IL4I1: variants seen among roughly 807,000 people sequenced by gnomAD.
IL4I1 encodes the protein interleukin 4 induced 1.
In IL4I1, 24 loss-of-function variants were observed where a neutral mutation model predicts 29.7. That is an observed-to-expected ratio of 0.81 (90% CI 0.59 to 1.14). The LOEUF is 1.14. IL4I1 is among the 50% of genes most tolerant of loss of function. The pLI is 0.00. For missense variants in IL4I1, 686 were observed against 785.6 expected, an observed-to-expected ratio of 0.87 and a Z score of 1.52; for synonymous variants, 371 against 352.5, an observed-to-expected ratio of 1.05 and a Z score of -0.59.
exon 2 of IL4I1, chr19:49,927,802 G>C (rs1047358727): frequency 2.6e-5 from 4 of 152,282 alleles, no homozygotes; most frequent in Non-Finnish European, 5.9e-5. Flanking sequence ...ATGTGGATGG[G>C]ACAAGGTGGG....
At chr19:49,909,333 A>G (rs1241705265) in intron 2 of IL4I1, 1 of 1,613,778 alleles carries the variant, frequency 6.2e-7, no homozygotes, top group Non-Finnish European at 8.5e-7. Flanking sequence ...CCAGTGAATG[A>G]GAAGCCTCCA....
In IL4I1 at chr19:49,891,021, G is replaced by A; in HGVS notation, c.723C>T (p.Leu241=). 6.2e-7 allele frequency: 1 copy of A among 1,611,744 alleles called. No homozygotes were observed. Among genetic ancestry groups the A allele is most frequent in the Non-Finnish European group, 8.5e-7 (1 of 1,179,614 alleles). ...GGGCCCGGAGGGCCTCGGCGAAGCT[G>A]AGATAGAAGAAGCCATCCTCGGACA... is the stretch of plus-strand genomic sequence containing the variant. The part of the protein sequence containing the change: ...DVMSEDGFFY[L]SFAEALRAHS... Residue 241 remains leucine (L), a synonymous_variant, in exon 7 of 8, where the codon CTC becomes CTT. Transcript: ENST00000391826.
At chr19:49,913,293 AAG>A (rs1453662736) in intron 2 of IL4I1, 1 of 152,244 alleles carries the variant, frequency 6.6e-6, no homozygotes, top group Non-Finnish European at 1.5e-5. Context: ...GCACATTCCA[AAG>A]AGAGAAAATG....
chr19:49,924,921 GCA>G (rs1301074398), intron 2 of IL4I1, among the ~76,000 whole-genome samples: 1 of 152,124 alleles, frequency 6.6e-6, no homozygotes, highest in Non-Finnish European at 1.5e-5. Context: ...AGCATAAACC[GCA>G]CATAGCCAGC....
upstream of IL4I1, chr19:49,901,703 G>T (rs370597383): frequency 6.5e-7 from 1 of 1,534,392 alleles, no homozygotes. Flanking sequence ...CAGGACAGAA[G>T]TCATCGTTGG....
chr19:49,922,144 C>T (rs1173344754), intron 2 of IL4I1, among the ~76,000 whole-genome samples: 1 of 152,224 alleles, frequency 6.6e-6, no homozygotes, highest in African/African-American at 2.4e-5. Flanking sequence ...GCACTAGCTC[C>T]CTTTGCTTCT....
intron 2 of IL4I1, chr19:49,907,468 G>A: frequency 4.6e-6 from 2 of 438,046 alleles, no homozygotes; most frequent in South Asian, 1.6e-5. Flanking sequence ...TGCCTTGGTG[G>A]TTAGCATGGT....
chr19:49,901,147 AG>A (rs1358263453), upstream of IL4I1, among the ~76,000 whole-genome samples: 1 of 152,168 alleles, frequency 6.6e-6, no homozygotes, highest in Non-Finnish European at 1.5e-5. Context: ...TGGGAGGCCG[AG>A]GTGGGCGGGC....
intron 3 of IL4I1, 140 bp downstream of exon 3, chr19:49,895,675 A>G: frequency 1.2e-6 from 1 of 859,650 alleles, no homozygotes; most frequent in Non-Finnish European, 1.8e-6. Context: ...CCTCACCCCC[A>G]GACTACAGGG....
At chr19:49,901,164 A>C (rs1411607016), upstream of IL4I1, among the ~76,000 whole-genome samples, 1 of 152,156 alleles carries the variant, frequency 6.6e-6, no homozygotes, top group African/African-American at 2.4e-5. Context: ...CGGGCAGATC[A>C]CGAGATCAGG....
chr19:49,917,168 A>C (rs2122689060), intron 2 of IL4I1, among the ~76,000 whole-genome samples: 1 of 152,298 alleles, frequency 6.6e-6, no homozygotes, highest in Non-Finnish European at 1.5e-5. Context: ...TGGAGAGGAG[A>C]GAAACAAGGG....
chr19:49,921,693 C>A lies in IL4I1; in HGVS notation c.-228+6001G>T, dbSNP rs1181104568. Among the ~76,000 whole-genome samples, 3 of 152,196 alleles carry A rather than the reference C, an allele frequency of 2.0e-5. No individual in the cohort carries two copies. Among genetic ancestry groups the A allele is most frequent in the African/African-American group, 4.8e-5 (2 of 41,444 alleles). ...GGTACCCCTCTGCCCATTGAGGGGG[C>A]ACCTAGGGAGCCTAGGGGTCCCGTG... On this transcript the variant is annotated intron_variant, in intron 2 of 9. Coordinates refer to the IL4I1 transcript ENST00000341114. This position sits in a 1 kb window ranked among gnomAD's most constrained non-coding sequence, Gnocchi z 5.4.
Position 49,921,947 on chromosome 19 carries a change from G to A in IL4I1, c.-228+5747C>T, listed in dbSNP as rs115820788. ...TTGGCAGGATGAGTGCATTTGCTGC[G>A]AGAAAGCAGCCCCGACGGCAGGGCC... On this transcript the variant is annotated intron_variant, in intron 2 of 9. Transcript: ENST00000341114. This position sits in a 1 kb window ranked among gnomAD's most constrained non-coding sequence, Gnocchi z 5.4. Among the ~76,000 whole-genome samples, 92 of 152,302 alleles carry A rather than the reference G, an allele frequency of 6.0e-4. No individual in the cohort carries two copies. Among genetic ancestry groups the A allele is most frequent in the African/African-American group, 2.2e-3 (91 of 41,562 alleles).
chr19:49,899,801 C>T (rs567850215), upstream of IL4I1, among the ~76,000 whole-genome samples: 121 of 152,232 alleles, frequency 7.9e-4, no homozygotes, highest in Non-Finnish European at 1.3e-3. Flanking sequence ...GTGATCTGCC[C>T]GCCTCGGCCT....
intron 2 of IL4I1, among the ~76,000 whole-genome samples, chr19:49,917,036 G>A (rs933639411): frequency 2.6e-5 from 4 of 152,264 alleles, no homozygotes; most frequent in African/African-American, 4.8e-5. Flanking sequence ...GACAGGGTGC[G>A]GAGCTGTCTC....
intron 2 of IL4I1, chr19:49,913,233 G>A (rs1220727863): frequency 6.6e-6 from 1 of 152,386 alleles, no homozygotes; most frequent in East Asian, 1.9e-4. Flanking sequence ...TCTGAAGGGA[G>A]ATGTTTATGT....
intron 2 of IL4I1, among the ~76,000 whole-genome samples, chr19:49,919,791 C>T (rs1012940951): frequency 5.0e-5 from 5 of 100,954 alleles, no homozygotes; most frequent in East Asian, 3.5e-4. Context: ...CTAGAACCAC[C>T]GCTTGCTCTT....
chr19:49,899,843 C>T (rs894442630), upstream of IL4I1, among the ~76,000 whole-genome samples: 2 of 152,172 alleles, frequency 1.3e-5, no homozygotes, highest in Non-Finnish European at 2.9e-5. Context: ...GCGTGAGCCA[C>T]CTCGCCCGGC....
At chr19:49,912,961 G>T (rs1047535690) in intron 2 of IL4I1, 4 of 152,310 alleles carry the variant, frequency 2.6e-5, no homozygotes, top group African/African-American at 9.6e-5. Context: ...GAAGCCCAGA[G>T]TGGCTGGTTA....
Sources: gnomAD v4.1 joint callset for allele counts (sites outside exome capture counted in the v4.1 genomes callset) on GRCh38, gnomAD v4.1.1 for gene constraint, Gnocchi (gnomAD v3.1) non-coding constraint, MANE v1.5 for transcripts, NCBI Gene and HGNC (gene_info 2026-07-23, HGNC 2026-07-21) for gene names.